The following ZNF664 variants were observed in gnomAD, a reference collection of about 807,000 sequenced individuals.
ZNF664 encodes zinc finger protein 664.
A neutral mutation model predicts 18.2 loss-of-function variants in ZNF664; 10 were observed. That is an observed-to-expected ratio of 0.55 (90% CI 0.34 to 0.93). The LOEUF (loss-of-function observed/expected upper bound fraction) is 0.93, where lower values mean the gene tolerates loss of function less well. Among genes scored for constraint, ZNF664 ranks in the 40% least tolerant of loss-of-function variants. The probability of loss-of-function intolerance (pLI) is 0.02; values close to 1 mark genes in which losing one functional copy is unlikely to be tolerated. For missense variants in ZNF664, 193 were observed against 319.0 expected (o/e 0.61, Z 3.01); for synonymous variants, 119 against 104.2 (o/e 1.14, Z -0.86).
chr12:123,975,938 T>A (rs1054769063), intron 2 of ZNF664, among the ~76,000 whole-genome samples: 3 of 152,236 alleles, frequency 2.0e-5, no homozygotes, highest in African/African-American at 7.2e-5. Flanking sequence ...GCAGGCTGCA[T>A]CAGAGTTTTA....
chr12:124,004,766 C>G (rs1594570819), intron 3 of ZNF664: 1 of 152,434 alleles, frequency 6.6e-6, no homozygotes, highest in East Asian at 1.9e-4. Context: ...GCATTAGATT[C>G]TCGTAGGGGC....
chr12:123,999,747 G>T (rs534100662), intron 3 of ZNF664, among the ~76,000 whole-genome samples: 21 of 152,346 alleles, frequency 1.4e-4, no homozygotes, highest in Non-Finnish European at 1.5e-4. Context: ...GAGTCGGGCA[G>T]TACATGTACC....
At chr12:123,974,256 C>T (rs975181302) in intron 2 of ZNF664, 1 of 386,740 alleles carries the variant, frequency 2.6e-6, no homozygotes, top group Non-Finnish European at 4.6e-6. Flanking sequence ...ACAACTAAAT[C>T]TCCCCGGGAG....
At chr12:123,996,212 A>G (rs1956946398) in intron 3 of ZNF664, among the ~76,000 whole-genome samples, 2 of 152,232 alleles carry the variant, frequency 1.3e-5, no homozygotes, top group South Asian at 4.1e-4. Flanking sequence ...TAAGAGATGC[A>G]AGTATAGGTA....
chr12:123,999,473 ATACT>A (rs1371338116), intron 3 of ZNF664, among the ~76,000 whole-genome samples: 6 of 152,232 alleles, frequency 3.9e-5, no homozygotes, highest in Admixed American at 1.3e-4. Flanking sequence ...AAGATCTGTG[ATACT>A]TACAGGTTTC....
At chr12:123,976,449 CTA>C (rs1347530077) in intron 2 of ZNF664, among the ~76,000 whole-genome samples, 1 of 152,202 alleles carries the variant, frequency 6.6e-6, no homozygotes, top group Admixed American at 6.5e-5. Context: ...TGTGGATAGA[CTA>C]TGGAGGTGAA....
intron 3 of ZNF664, among the ~76,000 whole-genome samples, chr12:124,000,368 G>A (rs1264387408): frequency 3.9e-5 from 6 of 152,034 alleles, no homozygotes; most frequent in African/African-American, 4.8e-5. Flanking sequence ...TCCTACCTTC[G>A]CCTGTTCATA....
chr12:123,991,288 C>T (rs1455073828), intron 3 of ZNF664, among the ~76,000 whole-genome samples: 1 of 151,982 alleles, frequency 6.6e-6, no homozygotes, highest in Non-Finnish European at 1.5e-5. Flanking sequence ...GGGGTGCAAA[C>T]CAGGGGAAAA....
chr12:123,989,615 G>T (rs1256589593), intron 3 of ZNF664, among the ~76,000 whole-genome samples: 1 of 152,194 alleles, frequency 6.6e-6, no homozygotes, highest in Non-Finnish European at 1.5e-5. Context: ...AGCTAATAAT[G>T]AAGTGTTCTG....
chr12:124,012,324 A>G lies in ZNF664; in HGVS notation c.180A>G (p.Lys60=), dbSNP rs761062112. The change falls in exon 5 of 5, where the codon AAA becomes AAG. Residue 60 remains lysine (K), a synonymous_variant. Coordinates refer to ENST00000337815, the MANE Select transcript of ZNF664 (RefSeq NM_152437.3). The part of the protein sequence containing the change: ...WRDHTGEKVY[K]CDDCGKDFST... ...ACCATACAGGAGAGAAGGTCTATAA[A>G]TGTGATGATTGTGGTAAGGATTTTA... The G allele has an allele frequency of 6.2e-7, 1 of 1,614,266 alleles. No homozygotes were observed. The highest frequency in any genetic ancestry group is 8.5e-7 in the Non-Finnish European group (1 of 1,180,046).
chr12:124,012,202 A>G lies in ZNF664; in HGVS notation c.58A>G (p.Met20Val). ...EFFSERADLFMHQKIHTAEKP... is the reference protein window; with the variant it reads ...EFFSERADLFVHQKIHTAEKP... ...TTTCTCTGAGAGAGCAGATCTTTTT[A>G]TGCATCAGAAAATTCACACAGCTGA... is the stretch of plus-strand genomic sequence containing the variant. Residue 20 changes from methionine to valine, a missense_variant, in exon 5 of 5, where the codon ATG (methionine) becomes GTG (valine). Met to Val is a conservative substitution (Grantham distance 21). Around this residue, in one of 3 missense-constraint regions of ZNF664, gnomAD observed 90 missense variants for 118.9 expected, o/e 0.76. Coordinates refer to ENST00000337815, the MANE Select transcript of ZNF664 (RefSeq NM_152437.3). 6.2e-7 allele frequency: 1 copy of G among 1,613,788 alleles called. No individual in the cohort carries two copies. The highest frequency in any genetic ancestry group is 8.5e-7 in the Non-Finnish European group (1 of 1,179,940).
chr12:123,979,711 C>T (rs919658757), intron 2 of ZNF664, among the ~76,000 whole-genome samples: 27 of 152,030 alleles, frequency 1.8e-4, no homozygotes, highest in African/African-American at 6.5e-4. Context: ...CAGGGTCTTG[C>T]TCTGTTGCCT....
intron 1 of ZNF664, 128 bp downstream of exon 1, chr12:123,973,480 C>T: frequency 1.8e-6 from 1 of 568,378 alleles, no homozygotes; most frequent in Non-Finnish European, 2.2e-6. Context: ...AACAACCCAT[C>T]CCGGAGGATG....
chr12:123,988,079 T>A lies in ZNF664; in HGVS notation c.-720T>A. On this transcript the variant is annotated 5_prime_UTR_variant, in exon 3 of 5. Coordinates refer to ENST00000337815, the MANE Select transcript of ZNF664 (RefSeq NM_152437.3). Reference sequence around the variant, plus strand: ...GGCCTTTGTAGTCCTTCAGCCACTGTGGGCCCTGCCTCTGCCTGTTCTTCT... The same window carrying A: ...GGCCTTTGTAGTCCTTCAGCCACTGAGGGCCCTGCCTCTGCCTGTTCTTCT... 5 of 1,231,620 alleles carry A rather than the reference T, an allele frequency of 4.1e-6. No individual in the cohort carries two copies. The highest frequency in any genetic ancestry group is 4.0e-6 in the Non-Finnish European group (4 of 987,870). The allele number at this position is 1,231,620 out of a possible 1,614,324, so 76.3% of individuals were successfully genotyped here.
At chr12:123,997,488 G>A (rs1396689599) in intron 3 of ZNF664, among the ~76,000 whole-genome samples, 1 of 152,178 alleles carries the variant, frequency 6.6e-6, no homozygotes, top group Non-Finnish European at 1.5e-5. Flanking sequence ...CTAGCTTGTG[G>A]TGGTTGCTAG....
chr12:123,989,101 G>A (rs1956858444), intron 3 of ZNF664, among the ~76,000 whole-genome samples: 2 of 152,282 alleles, frequency 1.3e-5, no homozygotes, highest in South Asian at 2.1e-4. Flanking sequence ...GGCTGTGGGA[G>A]GTAAAGGATA....
rs562852613 is a variant in ZNF664 at position 124,014,185 on chromosome 12, G to A, written c.*1255G>A. On this transcript the variant is annotated 3_prime_UTR_variant, in exon 5 of 5. Coordinates refer to ENST00000337815, the MANE Select transcript of ZNF664 (RefSeq NM_152437.3). Reference sequence around the variant, plus strand: ...GATGATTTTAGTGGTGGGGTGGGGTGGGGGTGGGGTGACATTAGCTAGTGG... The same window carrying A: ...GATGATTTTAGTGGTGGGGTGGGGTAGGGGTGGGGTGACATTAGCTAGTGG... 2.6e-4 allele frequency: 43 copies of A among 166,746 alleles called. No homozygotes were observed. Among genetic ancestry groups the A allele is most frequent in the African/African-American group, 9.9e-4 (41 of 41,378 alleles). The allele number at this position is 166,746 out of a possible 1,614,324, so 10.3% of individuals were successfully genotyped here.
At chr12:123,988,235 G>GC in intron 3 of ZNF664, 97 bp downstream of exon 3, 1 of 1,143,738 alleles carries the variant, frequency 8.7e-7, no homozygotes, top group Non-Finnish European at 1.1e-6. Flanking sequence ...CTGAGCATGT[G>GC]CCCTTTGGGC....
intron 3 of ZNF664, among the ~76,000 whole-genome samples, chr12:124,004,619 C>CT (rs1957049488): frequency 6.6e-6 from 1 of 152,152 alleles, no homozygotes; most frequent in Admixed American, 6.5e-5. Context: ...GGTACCAGTC[C>CT]ATGGCCTGTT....
Sources: allele counts gnomAD v4.1 joint callset (sites outside exome capture counted in the v4.1 genomes callset), GRCh38; gene constraint gnomAD v4.1.1; regional missense constraint gnomAD v4.1.1; transcripts MANE v1.5; gene names NCBI Gene and HGNC (gene_info 2026-07-23, HGNC 2026-07-21).